The following SCG3 variants were observed in gnomAD, a reference collection of about 807,000 sequenced individuals.
The protein encoded by SCG3 is secretogranin III, also known as secretogranin-3.
A neutral mutation model predicts 56.2 loss-of-function variants in SCG3; 38 were observed. The observed-to-expected ratio is 0.68, with a 90% CI of 0.52 to 0.89. SCG3 has a LOEUF of 0.89. Ranked by LOEUF, SCG3 falls within the 40% of genes least tolerant of loss-of-function variation. SCG3 has a pLI of 0.00. For missense variants in SCG3, 524 were observed against 540.7 expected (o/e 0.97, Z 0.31); for synonymous variants, 176 against 184.2 (o/e 0.96, Z 0.36).
chr15:51,711,810 A>T lies in SCG3; in HGVS notation c.1208-1523A>T, dbSNP rs142670118. ...AGTAAATAAGGACTAAAAATTGTGG[A>T]TCTCTTCTGGTGTCCATTTACCCCT... On this transcript the variant is annotated intron_variant, in intron 10 of 11. Coordinates refer to ENST00000220478, the MANE Select transcript of SCG3 (RefSeq NM_013243.4). Among the ~76,000 whole-genome samples the T allele has an allele frequency of 1.3e-3, 198 of 152,246 alleles. 3 individuals carry two copies. The highest frequency in any genetic ancestry group is 4.7e-3 in the African/African-American group (196 of 41,554).
chr15:51,683,241 C>T lies in SCG3; in HGVS notation c.204C>T (p.Asn68=), dbSNP rs776749526. 6.2e-7 allele frequency: 1 copy of T among 1,613,542 alleles called. No individual in the cohort carries two copies. Among genetic ancestry groups the T allele is most frequent in the South Asian group, 1.1e-5 (1 of 91,012 alleles). Residue 68 remains asparagine, a synonymous_variant, in exon 4 of 12, where the codon AAC becomes AAT. Coordinates refer to ENST00000220478, the MANE Select transcript of SCG3 (RefSeq NM_013243.4). ...CAGAAAACAAGCCAGGTCAGAGCAA[C>T]TATTCTTTTGTTGATAACTTGAACC... is the stretch of plus-strand genomic sequence containing the variant. The part of the protein sequence containing the change: ...YPPENKPGQS[N]YSFVDNLNLL...
At chr15:51,699,005 A>G (rs2055322252) in intron 8 of SCG3, among the ~76,000 whole-genome samples, 2 of 152,202 alleles carry the variant, frequency 1.3e-5, no homozygotes, top group African/African-American at 4.8e-5. Context: ...CAAGGTGTTG[A>G]ATAGGTCAAA....
intron 8 of SCG3, among the ~76,000 whole-genome samples, chr15:51,698,924 C>T (rs997565239): frequency 6.6e-6 from 1 of 152,184 alleles, no homozygotes; most frequent in Non-Finnish European, 1.5e-5. Flanking sequence ...ATTCTACCAC[C>T]AGTGGAGTCA....
chr15:51,704,221 A>ATG (rs1243165125), intron 10 of SCG3, among the ~76,000 whole-genome samples: 5 of 129,722 alleles, frequency 3.9e-5, no homozygotes, highest in Non-Finnish European at 8.1e-5. Context: ...ATATATATAT[A>ATG]TGTGTGTATA....
chr15:51,690,077 C>T (rs914287589), intron 6 of SCG3, among the ~76,000 whole-genome samples: 1 of 152,142 alleles, frequency 6.6e-6, no homozygotes, highest in African/African-American at 2.4e-5. Flanking sequence ...CATCTGTGCC[C>T]AATCCCCCCA....
intron 10 of SCG3, among the ~76,000 whole-genome samples, chr15:51,708,941 T>C (rs1292477742): frequency 6.6e-6 from 1 of 152,174 alleles, no homozygotes; most frequent in African/African-American, 2.4e-5. Flanking sequence ...AAAGGTGAAT[T>C]TGACCCAGCC....
chr15:51,714,718 G>A (rs1445348324), intron 11 of SCG3, among the ~76,000 whole-genome samples: 3 of 152,156 alleles, frequency 2.0e-5, no homozygotes, highest in South Asian at 2.1e-4. Flanking sequence ...TTTGCAAACC[G>A]CTGAGATACA....
At chr15:51,709,701 A>ATTTTTTTTTT (rs869162420) in intron 10 of SCG3, among the ~76,000 whole-genome samples, 3 of 22,966 alleles carry the variant, frequency 1.3e-4, no homozygotes, top group Non-Finnish European at 2.0e-4. Flanking sequence ...ATATATATAT[A>ATTTTTTTTTT]TTTTTTTTTT....
chr15:51,683,111 A>C lies in SCG3; in HGVS notation c.168A>C (p.Lys56Asn). Reference protein sequence around the residue: ...IAEAEEDKIKKTYPPENKPGQ... With the variant: ...IAEAEEDKIKNTYPPENKPGQ... ...AAGCAGAAGAAGACAAGATTAAAAAAACATATCCTCCAGGTAAAAAGAAAT... is the reference window on the plus strand; with the variant it reads ...AAGCAGAAGAAGACAAGATTAAAAACACATATCCTCCAGGTAAAAAGAAAT... Residue 56 changes from lysine to asparagine, a missense_variant, in exon 3 of 12, where the codon AAA (lysine) becomes AAC (asparagine). By Grantham distance (94) the Lys-to-Asn change is moderately conservative. Transcript: ENST00000220478. 1 of 1,610,046 alleles carries C rather than the reference A, an allele frequency of 6.2e-7. No individual in the cohort carries two copies. The highest frequency in any genetic ancestry group is 1.3e-5 in the African/African-American group (1 of 74,666).
chr15:51,696,833 C>T (rs558431977), intron 8 of SCG3, among the ~76,000 whole-genome samples: 1 of 152,216 alleles, frequency 6.6e-6, no homozygotes, highest in Non-Finnish European at 1.5e-5. Context: ...GAGAAATCGC[C>T]CCCATGATCC....
chr15:51,712,141 T>C (rs2055424821), intron 10 of SCG3, among the ~76,000 whole-genome samples: 1 of 152,152 alleles, frequency 6.6e-6, no homozygotes, highest in African/African-American at 2.4e-5. Flanking sequence ...CTCAAAAAGT[T>C]GTCGTGAAGA....
chr15:51,712,946 T>C (rs2055429979), intron 10 of SCG3, among the ~76,000 whole-genome samples: 1 of 152,224 alleles, frequency 6.6e-6, no homozygotes, highest in Non-Finnish European at 1.5e-5. Context: ...AGTCCTTGGC[T>C]TGATGATGCT....
intron 7 of SCG3, among the ~76,000 whole-genome samples, chr15:51,694,366 T>C (rs1376555712): frequency 1.3e-5 from 2 of 152,146 alleles, no homozygotes. Flanking sequence ...TCAGGGATGA[T>C]TTGGGTCTGC....
intron 10 of SCG3, among the ~76,000 whole-genome samples, chr15:51,709,097 G>T (rs1314409774): frequency 6.6e-6 from 1 of 152,168 alleles, no homozygotes; most frequent in African/African-American, 2.4e-5. Flanking sequence ...AATTCCACAG[G>T]GCTGAGGAGG....
At chr15:51,709,690 TATATA>T (rs2055402356) in intron 10 of SCG3, among the ~76,000 whole-genome samples, 4 of 19,054 alleles carry the variant, frequency 2.1e-4, no homozygotes, top group African/African-American at 5.3e-4. Context: ...TATATATATA[TATATA>T]TATATATTTT....
rs145878893 is a variant in SCG3 at position 51,691,401 on chromosome 15, C to T, written c.691-758C>T. Among the ~76,000 whole-genome samples, 1,431 of 152,182 alleles carry T rather than the reference C, an allele frequency of 9.4e-3. 20 individuals carry two copies. The highest frequency in any genetic ancestry group is 0.033 in the African/African-American group (1,364 of 41,502). On this transcript the variant is annotated intron_variant, in intron 6 of 11. Coordinates refer to ENST00000220478, the MANE Select transcript of SCG3 (RefSeq NM_013243.4). ...GATAACTCTGGCTATAATGTGGAAACGCAGTATTGGGCATAGATTTGGGGA... is the reference window on the plus strand; with the variant it reads ...GATAACTCTGGCTATAATGTGGAAATGCAGTATTGGGCATAGATTTGGGGA...
intron 10 of SCG3, 24 bp from the exon 11 acceptor site, chr15:51,713,309 A>T: frequency 6.8e-7 from 1 of 1,475,814 alleles, no homozygotes; most frequent in Non-Finnish European, 9.4e-7. Flanking sequence ...TGAGTGTTTG[A>T]TATAGTTCTC....
At chr15:51,694,296 G>A (rs138174630) in intron 7 of SCG3, among the ~76,000 whole-genome samples, 2 of 152,278 alleles carry the variant, frequency 1.3e-5, no homozygotes, top group Non-Finnish European at 2.9e-5. Context: ...CTTCATGTGA[G>A]AGCCAACAGT....
intron 11 of SCG3, among the ~76,000 whole-genome samples, chr15:51,718,274 G>A (rs867643543): frequency 6.6e-6 from 1 of 152,056 alleles, no homozygotes; most frequent in South Asian, 2.1e-4. Context: ...TTTTGTGGGG[G>A]GCAATTAAGG....
Sources: gnomAD v4.1 joint callset for allele counts (sites outside exome capture counted in the v4.1 genomes callset) on GRCh38, gnomAD v4.1.1 for gene constraint, MANE v1.5 for transcripts, NCBI Gene and HGNC (gene_info 2026-07-23, HGNC 2026-07-21) for gene names.